The following NCOA2 variants were observed in gnomAD, a reference collection of about 807,000 sequenced individuals.
NCOA2 encodes class E basic helix-loop-helix protein 75.
A neutral mutation model predicts 145.1 loss-of-function variants in NCOA2; 21 were observed. That is an observed-to-expected ratio of 0.14 (90% CI 0.10 to 0.21). NCOA2 has a LOEUF of 0.21. NCOA2 is among the 10% of genes least tolerant of loss of function. The pLI is 1.00. For synonymous variants in NCOA2, 619 were observed against 637.5 expected (o/e 0.97, Z 0.44); for missense variants, 1,472 against 1,837.6 (o/e 0.80, Z 3.64).
chr8:70,323,837 G>A (rs1362271776), intron 1 of NCOA2, among the ~76,000 whole-genome samples: 1 of 152,078 alleles, frequency 6.6e-6, no homozygotes, highest in African/African-American at 2.4e-5. Context: ...AAAATTTAAA[G>A]AATAATATGT....
At chr8:70,383,662 C>T (rs1262263935) in intron 1 of NCOA2, among the ~76,000 whole-genome samples, 2 of 152,080 alleles carry the variant, frequency 1.3e-5, no homozygotes, top group Non-Finnish European at 2.9e-5. Flanking sequence ...TACACCACCA[C>T]ACCTGGCTAA....
intron 2 of NCOA2, among the ~76,000 whole-genome samples, chr8:70,237,784 G>T (rs1821760493): frequency 6.6e-6 from 1 of 151,626 alleles, no homozygotes; most frequent in Admixed American, 6.6e-5. Context: ...AACAACAAAA[G>T]AAGAGTTTAC....
intron 12 of NCOA2, 99 bp downstream of exon 12, chr8:70,148,174 A>G (rs1044822888): frequency 1.6e-6 from 2 of 1,227,490 alleles, no homozygotes; most frequent in Admixed American, 1.7e-5. Flanking sequence ...CAAAAACCTT[A>G]AAGTGACTAA....
the NCOA2 span, among the ~76,000 whole-genome samples, chr8:70,455,215 G>A: frequency 6.6e-6 from 1 of 152,212 alleles, no homozygotes; most frequent in Non-Finnish European, 1.5e-5. Context: ...CTAAGCACGT[G>A]TTTGCTACAT....
chr8:70,214,481 C>T (rs1819380963), intron 3 of NCOA2, among the ~76,000 whole-genome samples: 1 of 152,022 alleles, frequency 6.6e-6, no homozygotes, highest in Admixed American at 6.6e-5. Context: ...GAAGTTAACC[C>T]AGTTAATAAC....
intron 2 of NCOA2, among the ~76,000 whole-genome samples, chr8:70,242,609 G>A (rs966671960): frequency 6.6e-6 from 1 of 152,076 alleles, no homozygotes; most frequent in South Asian, 2.1e-4. Context: ...AAGAGGTACC[G>A]TGGGAAAATT....
the NCOA2 span, among the ~76,000 whole-genome samples, chr8:70,455,664 G>A: frequency 6.0e-5 from 9 of 150,840 alleles, no homozygotes; most frequent in African/African-American, 2.2e-4. Context: ...CACCCAACGC[G>A]AGTCCTTCAT....
chr8:70,235,263 G>A (rs1433818285), intron 2 of NCOA2, among the ~76,000 whole-genome samples: 3 of 152,108 alleles, frequency 2.0e-5, no homozygotes, highest in African/African-American at 4.8e-5. Flanking sequence ...GACAGAAAGA[G>A]GAACATAGAT....
At chr8:70,302,537 A>C (rs1402125979) in intron 1 of NCOA2, among the ~76,000 whole-genome samples, 1 of 152,206 alleles carries the variant, frequency 6.6e-6, no homozygotes, top group Non-Finnish European at 1.5e-5. Flanking sequence ...AAACTCCCTT[A>C]AAATAACATT....
chr8:70,311,321 G>T (rs530637559), intron 1 of NCOA2, among the ~76,000 whole-genome samples: 1 of 151,970 alleles, frequency 6.6e-6, no homozygotes, highest in East Asian at 1.9e-4. Context: ...TGTCAGTATC[G>T]CACAGATGAC....
At chr8:70,179,456 G>T (rs1815233200) in intron 4 of NCOA2, among the ~76,000 whole-genome samples, 1 of 152,116 alleles carries the variant, frequency 6.6e-6, no homozygotes, top group African/African-American at 2.4e-5. Context: ...AAAAGAAAAG[G>T]ACTCTTTAGA....
At chr8:70,278,086 A>T (rs1825602644) in intron 2 of NCOA2, among the ~76,000 whole-genome samples, 1 of 152,198 alleles carries the variant, frequency 6.6e-6, no homozygotes, top group Non-Finnish European at 1.5e-5. Context: ...TCCCAGCCCT[A>T]GGCAACCATT....
chr8:70,362,266 C>T (rs925465847), intron 1 of NCOA2, among the ~76,000 whole-genome samples: 2 of 152,140 alleles, frequency 1.3e-5, no homozygotes, highest in East Asian at 1.9e-4. Context: ...CATACGTCTA[C>T]GTTAATGCAC....
chr8:70,341,338 G>A (rs1808127147), intron 1 of NCOA2, among the ~76,000 whole-genome samples: 1 of 152,202 alleles, frequency 6.6e-6, no homozygotes, highest in Non-Finnish European at 1.5e-5. Flanking sequence ...GATAAGCTAT[G>A]ACTGTGCCAC....
intron 2 of NCOA2, among the ~76,000 whole-genome samples, chr8:70,283,432 C>T (rs1563720986): frequency 6.6e-6 from 1 of 152,122 alleles, no homozygotes. Context: ...AGTATTGAGT[C>T]CAGGCAACAA....
At chr8:70,160,932 T>C (rs145968301) in intron 9 of NCOA2, among the ~76,000 whole-genome samples, 58 of 152,294 alleles carry the variant, frequency 3.8e-4, no homozygotes, top group African/African-American at 1.3e-3. Flanking sequence ...TAATTTTTTA[T>C]AGTAAGACTT....
chr8:70,204,375 G>C (rs867156796), intron 4 of NCOA2, among the ~76,000 whole-genome samples: 1 of 152,200 alleles, frequency 6.6e-6, no homozygotes, highest in African/African-American at 2.4e-5. Flanking sequence ...AAAACAAACA[G>C]GGCTCCAGCT....
chr8:70,409,314 C>T, the NCOA2 span, among the ~76,000 whole-genome samples: 1 of 152,134 alleles, frequency 6.6e-6, no homozygotes, highest in African/African-American at 2.4e-5. Context: ...TACTATAAAG[C>T]TACACTAATT....
At chr8:70,267,812 A>T (rs1824738873) in intron 2 of NCOA2, among the ~76,000 whole-genome samples, 1 of 152,212 alleles carries the variant, frequency 6.6e-6, no homozygotes, top group South Asian at 2.1e-4. Flanking sequence ...TAAGGCACAA[A>T]CGTTAGGTAT....
Sources: gnomAD v4.1 joint callset for allele counts (sites outside exome capture counted in the v4.1 genomes callset) on GRCh38, gnomAD v4.1.1 for gene constraint, MANE v1.5 for transcripts, NCBI Gene and HGNC (gene_info 2026-07-23, HGNC 2026-07-21) for gene names.